The following SGCZ variants were observed in gnomAD, a reference collection of about 807,000 sequenced individuals.
SGCZ encodes the protein zeta-sarcoglycan.
SGCZ carries 40 observed loss-of-function variants against 41.3 expected under a neutral mutation model. The ratio of observed to expected loss-of-function variants is 0.97; its 90% confidence interval spans 0.75 to 1.26. The LOEUF (loss-of-function observed/expected upper bound fraction) is 1.26. Ranked by LOEUF, SGCZ falls within the 50% of genes most tolerant of loss-of-function variation. The pLI, the probability that SGCZ is intolerant of heterozygous loss-of-function variation, is 0.00. For missense variants in SGCZ, 552 were observed against 369.8 expected, an observed-to-expected ratio of 1.49 and a Z score of -4.04; for synonymous variants, 206 against 137.5, an observed-to-expected ratio of 1.50 and a Z score of -3.49.
intron 3 of SGCZ, among the ~76,000 whole-genome samples, chr8:14,250,624 G>C (rs1391292775): frequency 2.0e-5 from 3 of 152,142 alleles, no homozygotes; most frequent in Non-Finnish European, 2.9e-5. Flanking sequence ...AGAACCACCA[G>C]TCCTACAAAT....
intron 1 of SGCZ, among the ~76,000 whole-genome samples, chr8:14,913,609 CT>C (rs1799340813): frequency 6.6e-6 from 1 of 152,034 alleles, no homozygotes; most frequent in Admixed American, 6.5e-5. Flanking sequence ...TCTGACTTTT[CT>C]TCTACCATAA....
At chr8:14,637,354 C>T (rs1368004012) in intron 1 of SGCZ, among the ~76,000 whole-genome samples, 1 of 151,404 alleles carries the variant, frequency 6.6e-6, no homozygotes, top group South Asian at 2.1e-4. Context: ...TCGGAGTACA[C>T]GTGCAGGTTT....
At chr8:14,737,649 G>T (rs1207850010) in intron 1 of SGCZ, among the ~76,000 whole-genome samples, 4 of 151,890 alleles carry the variant, frequency 2.6e-5, no homozygotes, top group African/African-American at 9.7e-5. Context: ...TCTCTCCTTG[G>T]CTTGTTTGCA....
intron 1 of SGCZ, among the ~76,000 whole-genome samples, chr8:14,580,509 G>C (rs1804852233): frequency 6.6e-6 from 1 of 152,018 alleles, no homozygotes; most frequent in South Asian, 2.1e-4. Context: ...AATATTTAGA[G>C]GATAGTGTTA....
At chr8:14,257,437 ATTCT>A (rs1799505368) in intron 3 of SGCZ, among the ~76,000 whole-genome samples, 1 of 151,890 alleles carries the variant, frequency 6.6e-6, no homozygotes, top group Admixed American at 6.6e-5. Context: ...TTTTTGCAGC[ATTCT>A]TTCTTTTTTT....
intron 1 of SGCZ, among the ~76,000 whole-genome samples, chr8:15,168,238 C>T (rs1799722034): frequency 6.6e-6 from 1 of 152,176 alleles, no homozygotes; most frequent in Non-Finnish European, 1.5e-5. Flanking sequence ...CTAAGGGATT[C>T]AGAGGCAGAT....
intron 1 of SGCZ, among the ~76,000 whole-genome samples, chr8:15,220,992 A>G (rs1170569682): frequency 6.6e-6 from 1 of 152,126 alleles, no homozygotes; most frequent in Non-Finnish European, 1.5e-5. Context: ...GATGGGGAAC[A>G]TCACACACAG....
chr8:14,333,288 G>C (rs1467875142), intron 2 of SGCZ, among the ~76,000 whole-genome samples: 1 of 151,996 alleles, frequency 6.6e-6, no homozygotes, highest in Non-Finnish European at 1.5e-5. Flanking sequence ...CATATTTCTT[G>C]ATGGTAAATG....
chr8:14,563,739 A>G (rs948305520), intron 1 of SGCZ, among the ~76,000 whole-genome samples: 1 of 152,212 alleles, frequency 6.6e-6, no homozygotes, highest in Non-Finnish European at 1.5e-5. Flanking sequence ...GCTTTGTACA[A>G]AAGCTTGAGG....
chr8:14,553,817 G>A (rs1803947269), intron 2 of SGCZ, among the ~76,000 whole-genome samples: 1 of 152,088 alleles, frequency 6.6e-6, no homozygotes, highest in African/African-American at 2.4e-5. Flanking sequence ...AGGAATATCA[G>A]TGAAGTTAAA....
intron 3 of SGCZ, among the ~76,000 whole-genome samples, chr8:14,281,633 C>CA (rs1307094456): frequency 4.6e-5 from 7 of 152,002 alleles, no homozygotes; most frequent in Non-Finnish European, 1.0e-4. Context: ...ACGGAAATAA[C>CA]ATGATCATGT....
chr8:14,146,077 C>G (rs940255375), intron 5 of SGCZ, among the ~76,000 whole-genome samples: 1 of 152,010 alleles, frequency 6.6e-6, no homozygotes, highest in African/African-American at 2.4e-5. Flanking sequence ...ATATCAATAT[C>G]CAAGTACAAG....
At position 14,088,040 on chromosome 8, in the gene SGCZ, A is replaced by G. The variant is rs1342279364; in HGVS notation, c.*2403T>C. Among the ~76,000 whole-genome samples the G allele has an allele frequency of 6.6e-6, 1 of 151,604 alleles. No homozygotes were observed. The highest frequency in any genetic ancestry group is 1.5e-5 in the Non-Finnish European group (1 of 67,746). ...TGAATTAAAAATGTGTCAGTCCCTC[A>G]CTGGAATCGGTTTTTACATCTTTTT... On this transcript the variant is annotated 3_prime_UTR_variant, in exon 8 of 8. Transcript: ENST00000382080.
intron 3 of SGCZ, among the ~76,000 whole-genome samples, chr8:14,271,701 T>A (rs1800064901): frequency 6.6e-6 from 1 of 152,146 alleles, no homozygotes; most frequent in African/African-American, 2.4e-5. Flanking sequence ...TGACTGGGGT[T>A]TTTATATCCT....
intron 3 of SGCZ, among the ~76,000 whole-genome samples, chr8:14,294,716 CAAT>C (rs1339533643): frequency 6.6e-6 from 1 of 151,794 alleles, no homozygotes; most frequent in African/African-American, 2.4e-5. Flanking sequence ...TGTCAAAACT[CAAT>C]AATAAAGCAA....
At chr8:15,168,352 C>T (rs1385815031) in intron 1 of SGCZ, among the ~76,000 whole-genome samples, 4 of 152,174 alleles carry the variant, frequency 2.6e-5, no homozygotes, top group African/African-American at 9.7e-5. Context: ...AAATTACTGT[C>T]CATGGCATAA....
chr8:14,554,431 C>T, intron 2 of SGCZ, among the ~76,000 whole-genome samples: 1 of 151,990 alleles, frequency 6.6e-6, no homozygotes, highest in Non-Finnish European at 1.5e-5. Flanking sequence ...TTTTAAGACA[C>T]AGTAAGTAAT....
At chr8:14,688,487 C>T (rs1278366776) in intron 1 of SGCZ, among the ~76,000 whole-genome samples, 2 of 152,070 alleles carry the variant, frequency 1.3e-5, no homozygotes, top group Non-Finnish European at 2.9e-5. Context: ...TCAGGTTTGT[C>T]AAAGATCAGA....
intron 1 of SGCZ, among the ~76,000 whole-genome samples, chr8:15,022,042 C>T (rs1420688689): frequency 2.6e-5 from 4 of 152,182 alleles, no homozygotes; most frequent in South Asian, 2.1e-4. Context: ...ATGCTATAAA[C>T]TGGTCCTTCT....
Sources: allele counts gnomAD v4.1 joint callset (sites outside exome capture counted in the v4.1 genomes callset), GRCh38; gene constraint gnomAD v4.1.1; transcripts MANE v1.5; gene names NCBI Gene and HGNC (gene_info 2026-07-23, HGNC 2026-07-21).